Variants in TRDN observed in about 807,000 individuals in gnomAD.
The protein encoded by TRDN is triadin, also known as triadin in skeletal muscle.
In TRDN, 161 loss-of-function variants were observed where a neutral mutation model predicts 149.7. That is an observed-to-expected ratio of 1.08 (90% confidence interval 0.95 to 1.23). TRDN has a LOEUF of 1.23. Ranked by LOEUF, TRDN falls within the 50% of genes most tolerant of loss-of-function variation. The pLI is 0.00. For missense variants in TRDN, 896 were observed against 823.5 expected (o/e 1.09, Z -1.08); for synonymous variants, 294 against 250.5 (o/e 1.17, Z -1.64).
intron 38 of TRDN, among the ~76,000 whole-genome samples, chr6:123,247,172 A>T (rs1173712685): frequency 6.6e-6 from 1 of 152,236 alleles, no homozygotes; most frequent in Non-Finnish European, 1.5e-5. Flanking sequence ...AGCTGGAAGC[A>T]TTCCCTTTGA....
chr6:123,348,759 C>T (rs972268645), intron 21 of TRDN, among the ~76,000 whole-genome samples: 1 of 152,000 alleles, frequency 6.6e-6, no homozygotes, highest in Non-Finnish European at 1.5e-5. Context: ...ATGAAATTAG[C>T]AGCTCAATAA....
At chr6:123,568,114 C>G (rs1289437484) in intron 2 of TRDN, among the ~76,000 whole-genome samples, 1 of 152,116 alleles carries the variant, frequency 6.6e-6, no homozygotes, top group African/African-American at 2.4e-5. Flanking sequence ...GCTAAGGCCC[C>G]ATGTAAGTTG....
intron 5 of TRDN, among the ~76,000 whole-genome samples, chr6:123,526,260 AC>A: frequency 6.6e-6 from 1 of 152,014 alleles, no homozygotes; most frequent in African/African-American, 2.4e-5. Flanking sequence ...TGGCACACAG[AC>A]TGATGGGAAG....
At chr6:123,541,439 T>A (rs1780830213) in intron 4 of TRDN, among the ~76,000 whole-genome samples, 1 of 152,132 alleles carries the variant, frequency 6.6e-6, no homozygotes, top group Non-Finnish European at 1.5e-5. Flanking sequence ...CCTGGAGAAG[T>A]GACTGGATCC....
chr6:123,494,832 C>G (rs2114806194), intron 9 of TRDN, among the ~76,000 whole-genome samples: 1 of 152,114 alleles, frequency 6.6e-6, no homozygotes, highest in Non-Finnish European at 1.5e-5. Flanking sequence ...CTCCCAGGTT[C>G]AAGCAATTCT....
chr6:123,308,884 A>G (rs763467864), intron 24 of TRDN, among the ~76,000 whole-genome samples: 3 of 152,056 alleles, frequency 2.0e-5, no homozygotes, highest in Admixed American at 1.3e-4. Context: ...GTAGTTTTCA[A>G]TAGGTTTCAA....
chr6:123,608,894 T>C (rs746732084), intron 1 of TRDN, among the ~76,000 whole-genome samples: 7 of 151,974 alleles, frequency 4.6e-5, no homozygotes, highest in Non-Finnish European at 1.0e-4. Context: ...GGAAGCAGGC[T>C]GGGCTCGGTG....
chr6:123,419,123 A>G (rs994610704), intron 12 of TRDN, among the ~76,000 whole-genome samples: 54 of 151,872 alleles, frequency 3.6e-4, no homozygotes, highest in African/African-American at 1.3e-3. Flanking sequence ...TTTCCTAGGG[A>G]TTTACAAGCA....
intron 24 of TRDN, among the ~76,000 whole-genome samples, chr6:123,283,186 T>C (rs768789600): frequency 1.3e-5 from 2 of 151,802 alleles, no homozygotes; most frequent in African/African-American, 2.4e-5. Flanking sequence ...TAAAAATACA[T>C]GGAAATTAAA....
In TRDN at chr6:123,564,429, T is replaced by C. The variant is rs540367882; in HGVS notation, c.232+6494A>G. ...GTGTGTGTGTATATGAGTGTAAAAT[T>C]AAATGTTAAATTTGTACTTTCTGAC... is the stretch of plus-strand genomic sequence containing the variant. On this transcript the variant is annotated intron_variant, in intron 2 of 40. Coordinates refer to ENST00000334268, the MANE Select transcript of TRDN (RefSeq NM_006073.4). 2.7e-4 allele frequency among the ~76,000 whole-genome samples: 41 copies of C among 152,332 alleles called. No homozygotes were observed. The Middle Eastern group carries it at 0.01, about 38-fold the overall frequency.
At chr6:123,493,452 C>A (rs540737198) in intron 9 of TRDN, among the ~76,000 whole-genome samples, 1 of 152,078 alleles carries the variant, frequency 6.6e-6, no homozygotes, top group African/African-American at 2.4e-5. Flanking sequence ...ATCTTAGAAG[C>A]ATTTTATTTG....
intron 9 of TRDN, among the ~76,000 whole-genome samples, chr6:123,479,450 C>G (rs9385300): frequency 0.2 from 29,818 of 152,116 alleles, 3,880 homozygotes; most frequent in East Asian, 0.64. Flanking sequence ...TAATTCCCCA[C>G]AAGTGGAAAG....
intron 38 of TRDN, among the ~76,000 whole-genome samples, chr6:123,233,584 T>C: frequency 6.6e-6 from 1 of 152,088 alleles, no homozygotes; most frequent in Non-Finnish European, 1.5e-5. Context: ...AGTCTAATAA[T>C]GAACAGTGAC....
chr6:123,301,019 T>C lies in TRDN; in HGVS notation c.1510+15438A>G, dbSNP rs898844144. On this transcript the variant is annotated intron_variant, in intron 24 of 40. Coordinates refer to ENST00000334268, the MANE Select transcript of TRDN (RefSeq NM_006073.4). ...GGCTCTTATTGTGTGCCAGGAACTGTTCCTAGCACAAGAAACACATGAAAT... is the reference window on the plus strand; with the variant it reads ...GGCTCTTATTGTGTGCCAGGAACTGCTCCTAGCACAAGAAACACATGAAAT... Among the ~76,000 whole-genome samples, 37 of 152,086 alleles carry C rather than the reference T, an allele frequency of 2.4e-4. 1 individual carries two copies. Among genetic ancestry groups the C allele is most frequent in the African/African-American group, 8.7e-4 (36 of 41,544 alleles).
intron 12 of TRDN, among the ~76,000 whole-genome samples, chr6:123,402,936 T>C (rs1434518810): frequency 1.3e-5 from 2 of 152,200 alleles, no homozygotes; most frequent in Non-Finnish European, 2.9e-5. Context: ...ACTAAAGCTT[T>C]TAACACATTT....
intron 32 of TRDN, among the ~76,000 whole-genome samples, chr6:123,267,460 C>G (rs1027602568): frequency 2.0e-5 from 3 of 151,978 alleles, no homozygotes; most frequent in African/African-American, 4.8e-5. Context: ...TTGGAAGGAA[C>G]TTGTGAATCA....
intron 37 of TRDN, among the ~76,000 whole-genome samples, chr6:123,254,524 A>G (rs531242483): frequency 6.6e-6 from 1 of 152,132 alleles, no homozygotes; most frequent in African/African-American, 2.4e-5. Flanking sequence ...TTTCCCTAAA[A>G]TTATGTTGCC....
At chr6:123,244,324 A>C (rs183219701) in intron 38 of TRDN, among the ~76,000 whole-genome samples, 87 of 152,266 alleles carry the variant, frequency 5.7e-4, no homozygotes, top group African/African-American at 2.0e-3. Flanking sequence ...GTTCTGACCA[A>C]ATGCAAGGAA....
intron 1 of TRDN, among the ~76,000 whole-genome samples, chr6:123,617,651 C>T (rs1785168008): frequency 6.6e-6 from 1 of 152,112 alleles, no homozygotes; most frequent in Non-Finnish European, 1.5e-5. Context: ...GATAAAGGAA[C>T]TCCTTTTTAG....
Sources: gnomAD v4.1 joint callset for allele counts (sites outside exome capture counted in the v4.1 genomes callset) on GRCh38, gnomAD v4.1.1 for gene constraint, MANE v1.5 for transcripts, NCBI Gene and HGNC (gene_info 2026-07-23, HGNC 2026-07-21) for gene names.